Variants in FGF13 observed in about 807,000 individuals in gnomAD.
The protein encoded by FGF13 is fibroblast growth factor homologous factor 2.
FGF13 carries 2 observed loss-of-function variants against 19.5 expected under a neutral mutation model. That is an observed-to-expected ratio of 0.10 (90% CI 0.04 to 0.32). The LOEUF is 0.32. FGF13 is among the 10% of genes least tolerant of loss of function. The pLI is 1.00. For synonymous variants in FGF13, 72 were observed against 76.9 expected (o/e 0.94, Z 0.33); for missense variants, 113 against 192.7 (o/e 0.59, Z 2.45).
At chrX:138,878,758 G>C (rs1464962381) in intron 1 of FGF13, among the ~76,000 whole-genome samples, 1 of 111,265 alleles carries the variant, frequency 9.0e-6, no homozygotes, top group East Asian at 2.8e-4. Context: ...CTAGTTTACA[G>C]TCCCACCAAC....
At chrX:138,791,545 A>G (rs1422393624) in intron 3 of FGF13, among the ~76,000 whole-genome samples, 3 of 112,282 alleles carry the variant, frequency 2.7e-5, no homozygotes, top group Non-Finnish European at 5.6e-5. Flanking sequence ...CTGATCACAG[A>G]AGACTTAGCT....
downstream of FGF13, among the ~76,000 whole-genome samples, chrX:138,854,704 T>G (rs1216136088): frequency 1.8e-5 from 2 of 112,445 alleles, no homozygotes; most frequent in Non-Finnish European, 3.8e-5. Flanking sequence ...CCCAAAAGGC[T>G]TAAAAATTTT....
At chrX:138,768,737 T>TTATATATATATATATATATATATATATA (rs2090522686) in intron 3 of FGF13, among the ~76,000 whole-genome samples, 1 of 97,593 alleles carries the variant, frequency 1.0e-5, no homozygotes, top group African/African-American at 4.3e-5. Context: ...TATATATATA[T>TTATATATATATATATATATATATATATA]GATATATATA....
At chrX:138,677,728 G>A (rs1708330574) in intron 3 of FGF13, among the ~76,000 whole-genome samples, 1 of 112,363 alleles carries the variant, frequency 8.9e-6, no homozygotes, top group African/African-American at 3.2e-5. Context: ...TACACTATTG[G>A]TGGGACTGTA....
In FGF13 at chrX:139,196,158, A is replaced by C. The variant is rs182657928; in HGVS notation, c.-113+7258T>G. On this transcript the variant is annotated intron_variant, in intron 1 of 2. Transcript: ENST00000421460. ...CTGATGGGAGACAGACTGAAAGCAT[A>C]TACCATGTAATGAAAACTAAAATAA... Among the ~76,000 whole-genome samples, 668 of 112,375 alleles carry C rather than the reference A, an allele frequency of 5.9e-3. 3 individuals are homozygous for C. Among genetic ancestry groups the C allele is most frequent in the Admixed American group, 0.01 (111 of 10,645 alleles).
intron 1 of FGF13, among the ~76,000 whole-genome samples, chrX:139,080,246 A>G (rs1212392692): frequency 1.8e-5 from 2 of 111,686 alleles, no homozygotes; most frequent in African/African-American, 6.5e-5. Flanking sequence ...TTGCTGTGAC[A>G]TTTAGGCAAA....
At chrX:139,145,237 C>T (rs1022479872) in intron 1 of FGF13, among the ~76,000 whole-genome samples, 10 of 110,900 alleles carry the variant, frequency 9.0e-5, no homozygotes, top group Admixed American at 8.7e-4. Context: ...CTCAAAGGGA[C>T]TCTAGTGAGG....
chrX:138,838,281 C>T (rs2091126503), intron 3 of FGF13, among the ~76,000 whole-genome samples: 1 of 111,814 alleles, frequency 8.9e-6, no homozygotes, highest in African/African-American at 3.3e-5. Context: ...GGTGTCCAAC[C>T]TCCCACTTTG....
At chrX:139,172,303 T>C (rs1046218117) in intron 1 of FGF13, among the ~76,000 whole-genome samples, 1 of 111,936 alleles carries the variant, frequency 8.9e-6, no homozygotes, top group African/African-American at 3.2e-5. Context: ...TGCAGCAGGT[T>C]GTAAGGCCAG....
In FGF13 at chrX:138,662,519, T is replaced by C. The variant is rs753542248; in HGVS notation, c.403-26864A>G. ...AATAAATGCAGCAATCAGCAAGACATACTGAATCTACATCCAGAAAATTTC... is the reference window on the plus strand; with the variant it reads ...AATAAATGCAGCAATCAGCAAGACACACTGAATCTACATCCAGAAAATTTC... On this transcript the variant is annotated intron_variant, in intron 3 of 4. Coordinates refer to ENST00000315930, the MANE Select transcript of FGF13 (RefSeq NM_004114.5). Among the ~76,000 whole-genome samples, 5 of 111,529 alleles carry C rather than the reference T, an allele frequency of 4.5e-5. No individual in the cohort carries two copies. The East Asian group carries it at 1.4e-3, about 32-fold the overall frequency.
chrX:138,966,986 G>C (rs1603079981), intron 1 of FGF13, among the ~76,000 whole-genome samples: 1 of 110,865 alleles, frequency 9.0e-6, no homozygotes, highest in East Asian at 2.9e-4. Context: ...CTGTGAAGAG[G>C]TGCCTTCCAC....
intron 3 of FGF13, among the ~76,000 whole-genome samples, chrX:138,845,749 A>T (rs1460499153): frequency 2.7e-5 from 3 of 111,843 alleles, no homozygotes; most frequent in African/African-American, 9.7e-5. Context: ...TGAACAGCTT[A>T]CCATGTATGC....
At chrX:139,090,545 A>G (rs185431046) in intron 1 of FGF13, among the ~76,000 whole-genome samples, 174 of 111,366 alleles carry the variant, frequency 1.6e-3, no homozygotes, top group Non-Finnish European at 2.4e-3. Flanking sequence ...TCAGGTAGTA[A>G]GCTTAATACC....
At chrX:139,023,244 T>C (rs1325990178) in intron 1 of FGF13, among the ~76,000 whole-genome samples, 2 of 111,171 alleles carry the variant, frequency 1.8e-5, no homozygotes, top group Admixed American at 9.7e-5. Context: ...AGATAGTATA[T>C]AACCAAATGG....
chrX:139,097,696 A>G, intron 1 of FGF13, among the ~76,000 whole-genome samples: 1 of 112,366 alleles, frequency 8.9e-6, no homozygotes, highest in Admixed American at 9.4e-5. Flanking sequence ...AGTCTAGAAG[A>G]AAAGAAGAGT....
intron 1 of FGF13, among the ~76,000 whole-genome samples, chrX:138,877,538 C>T (rs754370573): frequency 2.7e-5 from 3 of 111,781 alleles, no homozygotes; most frequent in Non-Finnish European, 5.6e-5. Context: ...ACCACTATTT[C>T]GAAAATCTTT....
At chrX:138,693,289 A>G (rs1275296227) in intron 3 of FGF13, among the ~76,000 whole-genome samples, 2 of 111,927 alleles carry the variant, frequency 1.8e-5, no homozygotes, top group African/African-American at 6.5e-5. Context: ...TCTAAGATGA[A>G]TACTGCTACT....
chrX:138,721,904 A>C (rs1251991240), intron 1 of FGF13, among the ~76,000 whole-genome samples: 2 of 110,455 alleles, frequency 1.8e-5, no homozygotes, highest in Non-Finnish European at 3.8e-5. Flanking sequence ...TTCTGATCAT[A>C]TCTTAAGAGT....
intron 1 of FGF13, among the ~76,000 whole-genome samples, chrX:138,956,112 A>G (rs1240474547): frequency 2.7e-5 from 3 of 112,022 alleles, no homozygotes; most frequent in Non-Finnish European, 3.8e-5. Flanking sequence ...CTGAAGCCAA[A>G]CAAGCACCAT....
Sources: gnomAD v4.1 joint callset for allele counts (sites outside exome capture counted in the v4.1 genomes callset) on GRCh38, gnomAD v4.1.1 for gene constraint, MANE v1.5 for transcripts, NCBI Gene and HGNC (gene_info 2026-07-23, HGNC 2026-07-21) for gene names.